The following NLK variants were observed in gnomAD, a reference collection of about 807,000 sequenced individuals.
NLK encodes nemo like kinase.
In NLK, 11 loss-of-function variants were observed where a neutral mutation model predicts 59.0. The ratio of observed to expected loss-of-function variants is 0.19; its 90% CI spans 0.12 to 0.31. NLK has a LOEUF of 0.31. Among genes scored for constraint, NLK ranks in the 10% least tolerant of loss-of-function variants. The pLI is 1.00. For synonymous variants in NLK, 235 were observed against 235.9 expected, an observed-to-expected ratio of 1.00 and a Z score of 0.03; for missense variants, 410 against 661.1, an observed-to-expected ratio of 0.62 and a Z score of 4.16.
intron 1 of NLK, among the ~76,000 whole-genome samples, chr17:28,084,855 C>T (rs1459516302): frequency 1.3e-5 from 2 of 152,222 alleles, no homozygotes; most frequent in African/African-American, 2.4e-5. Flanking sequence ...AGCCACCGCA[C>T]CCAGCCCCTG....
At chr17:28,161,031 C>T (rs1029887621) in intron 3 of NLK, 129 bp from the exon 4 acceptor site, 9 of 558,372 alleles carry the variant, frequency 1.6e-5, no homozygotes, top group East Asian at 1.4e-4. Context: ...ACCTCTGTCA[C>T]GCTGTCTAGA....
At chr17:28,181,588 A>G (rs1195719104) in intron 7 of NLK, among the ~76,000 whole-genome samples, 1 of 151,424 alleles carries the variant, frequency 6.6e-6, no homozygotes, top group South Asian at 2.1e-4. Flanking sequence ...AAAAAAAAGG[A>G]AAAGAAAAAT....
chr17:28,170,189 A>G (rs1320931165), intron 6 of NLK, among the ~76,000 whole-genome samples: 1 of 152,232 alleles, frequency 6.6e-6, no homozygotes, highest in African/African-American at 2.4e-5. Context: ...AAGACGCTGT[A>G]GGAAATGAGG....
At chr17:28,159,691 A>C (rs1262291131) in intron 3 of NLK, among the ~76,000 whole-genome samples, 1 of 152,226 alleles carries the variant, frequency 6.6e-6, no homozygotes, top group Non-Finnish European at 1.5e-5. Flanking sequence ...AGATTAAAAT[A>C]TCTAAGAATG....
At chr17:28,190,931 G>C (rs1269334965) in intron 8 of NLK, 90 bp from the exon 9 acceptor site, 1 of 876,644 alleles carries the variant, frequency 1.1e-6, no homozygotes, top group East Asian at 2.5e-5. Context: ...TATATGCTAT[G>C]TCAAGCAGTT....
At chr17:28,136,950 CAAAAAA>C (rs67290939) in intron 3 of NLK, among the ~76,000 whole-genome samples, 7 of 80,666 alleles carry the variant, frequency 8.7e-5, no homozygotes, top group South Asian at 5.3e-4. Flanking sequence ...GTAGCCAAAG[CAAAAAA>C]AAAAAAAAAA....
intron 1 of NLK, among the ~76,000 whole-genome samples, chr17:28,107,832 G>A (rs1339866712): frequency 6.6e-6 from 1 of 152,272 alleles, no homozygotes; most frequent in Non-Finnish European, 1.5e-5. Context: ...ACATATATCA[G>A]TAGAATCCTT....
intron 1 of NLK, among the ~76,000 whole-genome samples, chr17:28,108,440 G>A (rs1905297437): frequency 6.6e-6 from 1 of 152,092 alleles, no homozygotes; most frequent in African/African-American, 2.4e-5. Context: ...ATGCAAGGAG[G>A]AAATTAAACT....
chr17:28,109,595 C>T (rs1425901140), intron 1 of NLK, among the ~76,000 whole-genome samples: 1 of 152,128 alleles, frequency 6.6e-6, no homozygotes, highest in Non-Finnish European at 1.5e-5. Flanking sequence ...CCAAGAATTT[C>T]TTATAAGTGA....
intron 1 of NLK, chr17:28,048,125 A>G: frequency 2.5e-6 from 1 of 392,924 alleles, no homozygotes; most frequent in Non-Finnish European, 4.5e-6. Context: ...TTTAACTACA[A>G]ACGAACTTAC....
intron 7 of NLK, among the ~76,000 whole-genome samples, chr17:28,174,934 T>G (rs1361687510): frequency 6.6e-6 from 1 of 151,910 alleles, no homozygotes; most frequent in Admixed American, 6.6e-5. Flanking sequence ...TATTTACAGC[T>G]GAGGTTGGAA....
intron 1 of NLK, among the ~76,000 whole-genome samples, chr17:28,061,465 T>C (rs1009683000): frequency 6.6e-6 from 1 of 152,158 alleles, no homozygotes; most frequent in Non-Finnish European, 1.5e-5. Flanking sequence ...GAGAGTAATA[T>C]AAGTTATTAC....
intron 8 of NLK, among the ~76,000 whole-genome samples, chr17:28,190,313 A>G (rs1176346549): frequency 6.6e-6 from 1 of 152,236 alleles, no homozygotes; most frequent in Non-Finnish European, 1.5e-5. Context: ...TGCATTCAGT[A>G]TTCTGATCTA....
chr17:28,182,195 A>G (rs901730743), intron 7 of NLK, among the ~76,000 whole-genome samples: 1 of 152,190 alleles, frequency 6.6e-6, no homozygotes, highest in Non-Finnish European at 1.5e-5. Flanking sequence ...TTTGATCCTG[A>G]AGAAAACTTA....
chr17:28,151,553 A>C (rs1244407256), intron 3 of NLK, among the ~76,000 whole-genome samples: 1 of 152,178 alleles, frequency 6.6e-6, no homozygotes, highest in Non-Finnish European at 1.5e-5. Flanking sequence ...CTATATTTAA[A>C]ATTTTCCAGT....
chr17:28,077,316 G>T (rs749385197), intron 1 of NLK, among the ~76,000 whole-genome samples: 1 of 151,926 alleles, frequency 6.6e-6, no homozygotes, highest in Non-Finnish European at 1.5e-5. Flanking sequence ...TAACATGGTG[G>T]CGGCAAGAGA....
chr17:28,117,201 A>T (rs180889892), intron 1 of NLK, among the ~76,000 whole-genome samples: 15 of 152,372 alleles, frequency 9.8e-5, no homozygotes, highest in African/African-American at 3.6e-4. Flanking sequence ...TCTCCCCAGC[A>T]TCTATAGTAT....
chr17:28,102,316 A>T (rs572041381), intron 1 of NLK, among the ~76,000 whole-genome samples: 7 of 152,300 alleles, frequency 4.6e-5, no homozygotes, highest in African/African-American at 1.4e-4. Flanking sequence ...AATTGCTTTA[A>T]TCAAACATTT....
At chr17:28,168,720 T>G in intron 6 of NLK, 63 bp downstream of exon 6, 1 of 1,286,508 alleles carries the variant, frequency 7.8e-7, no homozygotes, top group Admixed American at 1.7e-5. Flanking sequence ...AAATCCATCT[T>G]GCACATGTGT....
Sources: gnomAD v4.1 joint callset for allele counts (sites outside exome capture counted in the v4.1 genomes callset) on GRCh38, gnomAD v4.1.1 for gene constraint, MANE v1.5 for transcripts, NCBI Gene and HGNC (gene_info 2026-07-23, HGNC 2026-07-21) for gene names.